The following CSMD1 variants were observed in gnomAD, a reference collection of about 807,000 sequenced individuals.
CSMD1 encodes CUB and sushi domain-containing protein 1.
In CSMD1, 213 loss-of-function variants were observed where a neutral mutation model predicts 417.5. That is an observed-to-expected ratio of 0.51 (90% CI 0.46 to 0.57). The LOEUF (loss-of-function observed/expected upper bound fraction) is 0.57. Ranked by LOEUF, CSMD1 falls within the 20% of genes least tolerant of loss-of-function variation. The pLI is 0.00. For missense variants in CSMD1, 6,923 were observed against 4,529.7 expected (o/e 1.53, Z -15.17); for synonymous variants, 2,862 against 1,736.8 (o/e 1.65, Z -16.11).
chr8:3,997,316 C>A (rs1387026922), intron 5 of CSMD1, among the ~76,000 whole-genome samples: 1 of 152,190 alleles, frequency 6.6e-6, no homozygotes, highest in African/African-American at 2.4e-5. Flanking sequence ...TTCATTAGAT[C>A]TTGTTTTCCT....
At chr8:3,829,778 G>C (rs986810914) in intron 5 of CSMD1, among the ~76,000 whole-genome samples, 1 of 152,058 alleles carries the variant, frequency 6.6e-6, no homozygotes, top group Non-Finnish European at 1.5e-5. Flanking sequence ...TCCAAGACAG[G>C]AATATTGAAT....
intron 3 of CSMD1, among the ~76,000 whole-genome samples, chr8:4,058,672 A>G (rs1182181342): frequency 6.9e-6 from 1 of 145,652 alleles, no homozygotes; most frequent in African/African-American, 2.5e-5. Flanking sequence ...CTTTAAACCA[A>G]CAAAGATCAA....
At chr8:4,805,264 T>A (rs1302283473) in intron 1 of CSMD1, among the ~76,000 whole-genome samples, 1 of 152,248 alleles carries the variant, frequency 6.6e-6, no homozygotes, top group Middle Eastern at 3.2e-3. Flanking sequence ...ATCTCTTTCA[T>A]GGATGTATTT....
At position 3,796,427 on chromosome 8, in the gene CSMD1, G is replaced by C. The variant is rs185919159; in HGVS notation, c.819-42385C>G. Among the ~76,000 whole-genome samples, 75 of 96,908 alleles carry C rather than the reference G, an allele frequency of 7.7e-4. 6 individuals are homozygous for C. Among genetic ancestry groups the C allele is most frequent in the African/African-American group, 2.9e-3 (72 of 24,412 alleles). 63.6% of individuals were successfully genotyped at this position (96,908 alleles called of 152,430 possible). ...TATAGATATATATCTATCATGTATA[G>C]ATATATATATCTATCGTGTATAGAT... On this transcript the variant is annotated intron_variant, in intron 5 of 69. Coordinates refer to ENST00000635120, the MANE Select transcript of CSMD1 (RefSeq NM_033225.6).
At chr8:4,028,816 G>C (rs1045383011) in intron 4 of CSMD1, among the ~76,000 whole-genome samples, 5 of 152,184 alleles carry the variant, frequency 3.3e-5, no homozygotes, top group African/African-American at 4.8e-5. Flanking sequence ...ATCTCATTAA[G>C]ACCTCAATAA....
At chr8:3,573,601 A>G (rs570052549) in intron 10 of CSMD1, among the ~76,000 whole-genome samples, 2 of 152,318 alleles carry the variant, frequency 1.3e-5, no homozygotes, top group Admixed American at 1.3e-4. Flanking sequence ...TAAGCCAACC[A>G]AAACCAAAGG....
intron 5 of CSMD1, among the ~76,000 whole-genome samples, chr8:3,926,178 A>AT: frequency 6.6e-6 from 1 of 151,836 alleles, no homozygotes; most frequent in South Asian, 2.1e-4. Context: ...TCTAAGTCAT[A>AT]TTTTTCCCAG....
At chr8:4,541,245 G>C (rs951254509) in intron 2 of CSMD1, among the ~76,000 whole-genome samples, 1 of 152,150 alleles carries the variant, frequency 6.6e-6, no homozygotes, top group East Asian at 1.9e-4. Context: ...GTGTGACTTA[G>C]AGTGAGCCAG....
intron 2 of CSMD1, among the ~76,000 whole-genome samples, chr8:4,563,350 C>G (rs1210275581): frequency 6.6e-6 from 1 of 152,096 alleles, no homozygotes; most frequent in Non-Finnish European, 1.5e-5. Context: ...TCAGTGAGCT[C>G]AGATCGTGCC....
chr8:3,541,936 C>T (rs1163208335), intron 10 of CSMD1, among the ~76,000 whole-genome samples: 2 of 152,060 alleles, frequency 1.3e-5, no homozygotes, highest in Admixed American at 6.6e-5. Context: ...GTGGCTTGTA[C>T]ACCCAGGAGG....
chr8:3,505,612 A>G (rs1482527428), intron 10 of CSMD1, among the ~76,000 whole-genome samples: 1 of 152,192 alleles, frequency 6.6e-6, no homozygotes, highest in Non-Finnish European at 1.5e-5. Context: ...CAGAAGAACA[A>G]GCAGATTATA....
At chr8:4,940,690 C>G (rs557826370) in intron 1 of CSMD1, among the ~76,000 whole-genome samples, 1 of 152,186 alleles carries the variant, frequency 6.6e-6, no homozygotes, top group Non-Finnish European at 1.5e-5. Flanking sequence ...CTTACAAGAT[C>G]AAATCAACCA....
chr8:4,852,265 G>C (rs988317480), intron 1 of CSMD1, among the ~76,000 whole-genome samples: 2 of 152,112 alleles, frequency 1.3e-5, no homozygotes, highest in East Asian at 3.9e-4. Flanking sequence ...TTGGAGGTGG[G>C]GCCTTGTGGG....
chr8:3,839,319 ATAT>A (rs1229991005), intron 5 of CSMD1, among the ~76,000 whole-genome samples: 1 of 122,548 alleles, frequency 8.2e-6, no homozygotes, highest in Non-Finnish European at 1.6e-5. Context: ...CTATTAATAT[ATAT>A]TAATTATATA....
intron 2 of CSMD1, among the ~76,000 whole-genome samples, chr8:4,499,141 G>C (rs1436447362): frequency 6.6e-6 from 1 of 152,084 alleles, no homozygotes. Flanking sequence ...CCAAGATAAA[G>C]AAACAAAACC....
chr8:3,577,469 T>G (rs556676270), intron 9 of CSMD1, among the ~76,000 whole-genome samples: 4 of 152,332 alleles, frequency 2.6e-5, no homozygotes, highest in African/African-American at 9.6e-5. Flanking sequence ...ATTGTTTATT[T>G]TTTGTCCATT....
At chr8:3,541,506 C>A (rs574320487) in intron 10 of CSMD1, among the ~76,000 whole-genome samples, 17 of 151,596 alleles carry the variant, frequency 1.1e-4, no homozygotes, top group African/African-American at 3.4e-4. Flanking sequence ...TCTGCACCTC[C>A]TGCACATCTA....
intron 10 of CSMD1, among the ~76,000 whole-genome samples, chr8:3,574,491 C>T (rs1490037650): frequency 6.6e-6 from 1 of 152,176 alleles, no homozygotes; most frequent in Non-Finnish European, 1.5e-5. Context: ...AAGTGATCCA[C>T]CCACTTTGGC....
intron 25 of CSMD1, among the ~76,000 whole-genome samples, chr8:3,292,347 T>A (rs1228170387): frequency 6.6e-6 from 1 of 152,168 alleles, no homozygotes; most frequent in Admixed American, 6.5e-5. Context: ...TTAGGTCCGC[T>A]TGGTGCAGAG....
Sources: gnomAD v4.1 joint callset for allele counts (sites outside exome capture counted in the v4.1 genomes callset) on GRCh38, gnomAD v4.1.1 for gene constraint, MANE v1.5 for transcripts, NCBI Gene and HGNC (gene_info 2026-07-23, HGNC 2026-07-21) for gene names.